The following SLC25A21 variants were observed in gnomAD, a reference collection of about 807,000 sequenced individuals.
SLC25A21 encodes mitochondrial 2-oxodicarboxylate carrier.
A neutral mutation model predicts 43.8 loss-of-function variants in SLC25A21; 47 were observed. That is an observed-to-expected ratio of 1.07 (90% CI 0.85 to 1.37). The LOEUF (loss-of-function observed/expected upper bound fraction) is 1.37. SLC25A21 is among the 40% of genes most tolerant of loss of function. SLC25A21 has a pLI of 0.00. For synonymous variants in SLC25A21, 131 were observed against 121.3 expected (o/e 1.08, Z -0.52); for missense variants, 352 against 350.2 (o/e 1.00, Z -0.04).
At chr14:36,904,305 C>T (rs531854385) in intron 1 of SLC25A21, among the ~76,000 whole-genome samples, 106 of 152,246 alleles carry the variant, frequency 7.0e-4, no homozygotes, top group African/African-American at 2.5e-3. Context: ...AAAGGGCCAT[C>T]TAGTTTTGTC....
At chr14:37,047,786 TG>T (rs1290863814) in intron 1 of SLC25A21, among the ~76,000 whole-genome samples, 2 of 152,180 alleles carry the variant, frequency 1.3e-5, no homozygotes, top group Non-Finnish European at 2.9e-5. Context: ...AAACCTTTCT[TG>T]AATTTCATGC....
At chr14:36,869,046 G>A (rs747698790) in intron 2 of SLC25A21, among the ~76,000 whole-genome samples, 5 of 152,172 alleles carry the variant, frequency 3.3e-5, no homozygotes, top group Non-Finnish European at 7.3e-5. Context: ...TGGGGTGGTG[G>A]TGCTATTACT....
chr14:36,949,047 T>G (rs1041739128), intron 1 of SLC25A21, among the ~76,000 whole-genome samples: 2 of 152,156 alleles, frequency 1.3e-5, no homozygotes, highest in African/African-American at 4.8e-5. Context: ...ACAAGGAAAG[T>G]GAGGCTTACA....
chr14:36,939,767 T>C (rs1295018908), intron 1 of SLC25A21, among the ~76,000 whole-genome samples: 1 of 152,162 alleles, frequency 6.6e-6, no homozygotes, highest in Non-Finnish European at 1.5e-5. Flanking sequence ...GGGGATAAAA[T>C]GGATTCAGAA....
intron 1 of SLC25A21, among the ~76,000 whole-genome samples, chr14:36,902,461 AC>A (rs1891422352): frequency 2.0e-5 from 3 of 152,206 alleles, no homozygotes; most frequent in African/African-American, 7.2e-5. Flanking sequence ...ACACACACAC[AC>A]ACGAACTCTG....
intron 1 of SLC25A21, among the ~76,000 whole-genome samples, chr14:37,022,009 G>A (rs551616887): frequency 1.3e-5 from 2 of 151,684 alleles, no homozygotes; most frequent in East Asian, 3.9e-4. Flanking sequence ...TGTGCCAGGG[G>A]CATTATTTAT....
intron 6 of SLC25A21, among the ~76,000 whole-genome samples, chr14:36,720,753 TTC>T: frequency 6.6e-6 from 1 of 152,390 alleles, no homozygotes; most frequent in African/African-American, 2.4e-5. Context: ...GCCTCAAATG[TTC>T]TGTTTCATCT....
chr14:36,966,757 A>C (rs895389786), intron 1 of SLC25A21, among the ~76,000 whole-genome samples: 7 of 152,310 alleles, frequency 4.6e-5, no homozygotes, highest in African/African-American at 1.7e-4. Flanking sequence ...ATTGAAATTA[A>C]AGCATTCTAA....
chr14:37,062,552 A>C (rs971922400), intron 1 of SLC25A21, among the ~76,000 whole-genome samples: 1 of 152,180 alleles, frequency 6.6e-6, no homozygotes, highest in African/African-American at 2.4e-5. Context: ...AGAAGACTTG[A>C]GAGGTATTCA....
At chr14:36,743,563 C>T (rs1033485253) in intron 3 of SLC25A21, among the ~76,000 whole-genome samples, 20 of 152,036 alleles carry the variant, frequency 1.3e-4, no homozygotes, top group African/African-American at 4.6e-4. Context: ...TATGACACAC[C>T]CACAGCCAAC....
At chr14:36,887,531 C>T (rs1329546506) in intron 1 of SLC25A21, among the ~76,000 whole-genome samples, 1 of 150,238 alleles carries the variant, frequency 6.7e-6, no homozygotes, top group African/African-American at 2.5e-5. Flanking sequence ...CCACTGCACT[C>T]CAGCCTGGGC....
chr14:36,736,588 C>T (rs1420422519), intron 3 of SLC25A21, among the ~76,000 whole-genome samples: 1 of 151,830 alleles, frequency 6.6e-6, no homozygotes, highest in Non-Finnish European at 1.5e-5. Context: ...CTGTGTTGAT[C>T]TTTCCCCATC....
At chr14:36,792,295 AAT>A (rs2138402647) in intron 3 of SLC25A21, among the ~76,000 whole-genome samples, 1 of 152,262 alleles carries the variant, frequency 6.6e-6, no homozygotes, top group East Asian at 1.9e-4. Context: ...TGCTATCTGA[AAT>A]CTTTATAAAA....
At chr14:36,929,185 T>C (rs1387945504) in intron 1 of SLC25A21, among the ~76,000 whole-genome samples, 5 of 152,146 alleles carry the variant, frequency 3.3e-5, no homozygotes, top group African/African-American at 1.2e-4. Flanking sequence ...AAGCACATAC[T>C]GAGGTCCCCA....
chr14:36,920,355 T>C (rs947388966), intron 1 of SLC25A21, among the ~76,000 whole-genome samples: 1 of 152,094 alleles, frequency 6.6e-6, no homozygotes, highest in African/African-American at 2.4e-5. Context: ...TTTAAGCATA[T>C]AGATTCAAGT....
rs934370684 is a variant in SLC25A21, at chr14:36,873,977, T to C, written c.119+979A>G. ...GTTGTTTAAGCCACCCAGTCTATAATATTTTGTTACAGCAGCTCCATCTAA... is the reference window on the plus strand; with the variant it reads ...GTTGTTTAAGCCACCCAGTCTATAACATTTTGTTACAGCAGCTCCATCTAA... On this transcript the variant is annotated intron_variant, in intron 2 of 9. Coordinates refer to ENST00000331299, the MANE Select transcript of SLC25A21 (RefSeq NM_030631.4). Among the ~76,000 whole-genome samples the C allele has an allele frequency of 5.9e-5, 9 of 152,296 alleles. No homozygotes were observed. In the East Asian group the frequency reaches 1.4e-3, roughly 23 times the overall value.
chr14:36,836,947 A>G (rs1302385397), intron 2 of SLC25A21, among the ~76,000 whole-genome samples: 2 of 152,114 alleles, frequency 1.3e-5, no homozygotes, highest in Non-Finnish European at 2.9e-5. Context: ...ATTAGGAGGG[A>G]CTCATCTTAG....
chr14:36,917,219 A>G (rs1442957974), intron 1 of SLC25A21, among the ~76,000 whole-genome samples: 1 of 152,094 alleles, frequency 6.6e-6, no homozygotes, highest in Non-Finnish European at 1.5e-5. Flanking sequence ...TAGAAGAAAG[A>G]GTTATCAAAC....
chr14:36,766,888 T>C (rs1259134896), intron 3 of SLC25A21, among the ~76,000 whole-genome samples: 3 of 152,202 alleles, frequency 2.0e-5, no homozygotes, highest in Non-Finnish European at 4.4e-5. Context: ...ATGCGCATAA[T>C]GCATTCAGCA....
Sources: allele counts gnomAD v4.1 joint callset (sites outside exome capture counted in the v4.1 genomes callset), GRCh38; gene constraint gnomAD v4.1.1; transcripts MANE v1.5; gene names NCBI Gene and HGNC (gene_info 2026-07-23, HGNC 2026-07-21).